Variants in MYCBP2 observed in about 807,000 individuals in gnomAD.
MYCBP2 encodes the protein E3 ubiquitin-protein ligase MYCBP2.
MYCBP2 carries 120 observed loss-of-function variants against 525.3 expected under a neutral mutation model. That is an observed-to-expected ratio of 0.23 (90% CI 0.20 to 0.27). The LOEUF (loss-of-function observed/expected upper bound fraction) is 0.27, where lower values mean the gene tolerates loss of function less well. MYCBP2 is among the 10% of genes least tolerant of loss of function. The pLI is 1.00. For missense variants in MYCBP2, 4,149 were observed against 5,657.1 expected, an observed-to-expected ratio of 0.73 and a Z score of 8.55; for synonymous variants, 1,894 against 1,955.8, an observed-to-expected ratio of 0.97 and a Z score of 0.83.
intron 41 of MYCBP2, 44 bp from the exon 42 acceptor site, chr13:77,165,435 T>C (rs1377120717): frequency 1.4e-6 from 2 of 1,400,306 alleles, no homozygotes; most frequent in African/African-American, 1.5e-5. Flanking sequence ...AAAACAATTT[T>C]ATAAAAATTT....
chr13:77,283,275 G>GCT (rs1302663259), intron 3 of MYCBP2, among the ~76,000 whole-genome samples: 2 of 151,884 alleles, frequency 1.3e-5, no homozygotes, highest in African/African-American at 4.8e-5. Context: ...TTAGCTTCCT[G>GCT]CTCTCTCTCT....
At chr13:77,180,694 C>T (rs556441490) in intron 33 of MYCBP2, among the ~76,000 whole-genome samples, 1 of 152,256 alleles carries the variant, frequency 6.6e-6, no homozygotes, top group South Asian at 2.1e-4. Context: ...ATGGGAGGAT[C>T]ACTTGAGGCC....
intron 59 of MYCBP2, 83 bp from the exon 60 acceptor site, chr13:77,090,346 G>T: frequency 8.8e-7 from 1 of 1,130,086 alleles, no homozygotes. Context: ...CAAAATATGT[G>T]ACTCAATATT....
At chr13:77,087,879 CA>C in intron 61 of MYCBP2, 1 of 293,930 alleles carries the variant, frequency 3.4e-6, no homozygotes, top group Non-Finnish European at 6.3e-6. Flanking sequence ...CACCCAGGCA[CA>C]AATGATCCTC....
chr13:77,074,568 C>A (rs924158592), intron 68 of MYCBP2, among the ~76,000 whole-genome samples: 2 of 152,150 alleles, frequency 1.3e-5, no homozygotes, highest in African/African-American at 2.4e-5. Flanking sequence ...GTGTTCACAG[C>A]AGCTTTACTA....
intron 17 of MYCBP2, among the ~76,000 whole-genome samples, chr13:77,242,621 A>G (rs544620622): frequency 3.9e-5 from 6 of 152,358 alleles, no homozygotes; most frequent in South Asian, 4.1e-4. Context: ...ACTATGTCCA[A>G]ATGATAATGA....
At chr13:77,110,889 T>C (rs932981797) in intron 55 of MYCBP2, among the ~76,000 whole-genome samples, 3 of 152,192 alleles carry the variant, frequency 2.0e-5, no homozygotes, top group African/African-American at 7.2e-5. Flanking sequence ...AAATGAGAGC[T>C]GGATAACTTC....
intron 65 of MYCBP2, 53 bp from the exon 66 acceptor site, chr13:77,078,942 T>TA (rs1416204761): frequency 3.4e-6 from 5 of 1,461,372 alleles, no homozygotes; most frequent in East Asian, 4.5e-5. Context: ...CTTCAGAACT[T>TA]ACAATGGTTT....
chr13:77,286,987 C>G (rs2076915617), intron 3 of MYCBP2, among the ~76,000 whole-genome samples: 1 of 148,368 alleles, frequency 6.7e-6, no homozygotes, highest in Non-Finnish European at 1.5e-5. Flanking sequence ...CGGGTTCACG[C>G]CATTCTCCTG....
At chr13:77,310,492 G>C (rs1165196531) in intron 1 of MYCBP2, among the ~76,000 whole-genome samples, 1 of 152,056 alleles carries the variant, frequency 6.6e-6, no homozygotes, top group Non-Finnish European at 1.5e-5. Flanking sequence ...AAAGAACAGA[G>C]CTGCATGGTT....
intron 60 of MYCBP2, among the ~76,000 whole-genome samples, chr13:77,089,811 G>A (rs1310925198): frequency 6.6e-6 from 1 of 151,990 alleles, no homozygotes; most frequent in Non-Finnish European, 1.5e-5. Context: ...AAAGTTTAGT[G>A]GAAGGGATAA....
chr13:77,230,532 A>C (rs961402845), intron 18 of MYCBP2, among the ~76,000 whole-genome samples: 1 of 152,248 alleles, frequency 6.6e-6, no homozygotes, highest in Non-Finnish European at 1.5e-5. Flanking sequence ...TTGCATATAC[A>C]TTATGAGATA....
chr13:77,125,596 T>G, intron 53 of MYCBP2, 128 bp from the exon 54 acceptor site: 1 of 1,071,800 alleles, frequency 9.3e-7, no homozygotes, highest in Non-Finnish European at 1.3e-6. Flanking sequence ...AGAAATTAGT[T>G]TCTGAAATTA....
chr13:77,280,502 T>C (rs765141731), intron 3 of MYCBP2, among the ~76,000 whole-genome samples: 10 of 152,224 alleles, frequency 6.6e-5, no homozygotes, highest in Non-Finnish European at 1.2e-4. Context: ...CTATATTCTG[T>C]TATTCTTTCA....
rs755140948 is a variant in MYCBP2, at chr13:77,189,064, CAT to C, written c.4155-19_4155-18del. On this transcript the variant is annotated intron_variant, in intron 29 of 82. Coordinates refer to ENST00000544440, the MANE Select transcript of MYCBP2 (RefSeq NM_015057.5). ...GTTGGAAGTCTAAAGGCAGTAGACA[CAT>C]ATAAAATTATGTTAGAAAGTCCAAT... The C allele has an allele frequency of 1.7e-5, 27 of 1,547,228 alleles. No individual in the cohort carries two copies. The highest frequency in any genetic ancestry group is 2.3e-5 in the East Asian group (1 of 42,768).
At position 77,185,011 on chromosome 13, in the gene MYCBP2, G is replaced by A. The variant is rs1405633345; in HGVS notation, c.4719+92C>T. On this transcript the variant is annotated intron_variant, in intron 32 of 82. Coordinates refer to ENST00000544440, the MANE Select transcript of MYCBP2 (RefSeq NM_015057.5). Reference sequence around the variant, plus strand: ...ATTTCCTAATTTATCTTTTATACAAGTTAAGAAGATATGGCAACTGCAATT... The same window carrying A: ...ATTTCCTAATTTATCTTTTATACAAATTAAGAAGATATGGCAACTGCAATT... 20 of 1,179,306 alleles carry A rather than the reference G, an allele frequency of 1.7e-5. No homozygotes were observed. The South Asian group carries it at 2.1e-4, about 12-fold the overall frequency. 73.1% of individuals were successfully genotyped at this position (1,179,306 alleles called of 1,614,324 possible). A position where few individuals can be genotyped will look rare whatever the true frequency, so the allele number is the denominator to read the frequency against.
intron 52 of MYCBP2, among the ~76,000 whole-genome samples, chr13:77,136,362 CT>C (rs2053763554): frequency 6.6e-6 from 1 of 152,208 alleles, no homozygotes; most frequent in African/African-American, 2.4e-5. Flanking sequence ...AACTCTTTAA[CT>C]ATAGTGCATT....
chr13:77,152,541 C>G (rs1244023950), intron 46 of MYCBP2, among the ~76,000 whole-genome samples: 1 of 152,130 alleles, frequency 6.6e-6, no homozygotes, highest in Non-Finnish European at 1.5e-5. Flanking sequence ...GCCAGCCCTG[C>G]CCCCCTACCC....
At chr13:77,171,223 A>C (rs748603345) in intron 38 of MYCBP2, among the ~76,000 whole-genome samples, 10 of 152,228 alleles carry the variant, frequency 6.6e-5, no homozygotes, top group Non-Finnish European at 1.3e-4. Context: ...AGAAGAATAA[A>C]GACCCAGTTT....
Sources: gnomAD v4.1 joint callset for allele counts (sites outside exome capture counted in the v4.1 genomes callset) on GRCh38, gnomAD v4.1.1 for gene constraint, MANE v1.5 for transcripts, NCBI Gene and HGNC (gene_info 2026-07-23, HGNC 2026-07-21) for gene names.